The following PALS1 variants were observed in gnomAD, a reference collection of about 807,000 sequenced individuals.
PALS1 encodes protein PALS1.
In PALS1, 31 loss-of-function variants were observed where a neutral mutation model predicts 78.9. The ratio of observed to expected loss-of-function variants is 0.39; its 90% CI spans 0.30 to 0.53. The LOEUF is 0.53. Ranked by LOEUF, PALS1 falls within the 20% of genes least tolerant of loss-of-function variation. The pLI is 0.67. For synonymous variants in PALS1, 276 were observed against 270.9 expected, an observed-to-expected ratio of 1.02 and a Z score of -0.18; for missense variants, 704 against 826.5, an observed-to-expected ratio of 0.85 and a Z score of 1.82.
At chr14:67,243,489 ATTTTTTTTTTT>A (rs55985752) in intron 1 of PALS1, among the ~76,000 whole-genome samples, 1 of 100,292 alleles carries the variant, frequency 1.0e-5, no homozygotes, top group Non-Finnish European at 1.9e-5. Context: ...CCAGAATATA[ATTTTTTTTTTT>A]TTTTTTTTTT....
chr14:67,283,329 A>C lies in PALS1; in HGVS notation c.367+3792A>C, dbSNP rs527345983. On this transcript the variant is annotated intron_variant, in intron 3 of 14. Transcript: ENST00000261681. ...CAAAAGATTATTGACATTTTAAAGT[A>C]AAATAGCTCTTTCAGATTTCATTCT... is the stretch of plus-strand genomic sequence containing the variant. 3.3e-5 allele frequency among the ~76,000 whole-genome samples: 5 copies of C among 152,342 alleles called. No homozygotes were observed. The South Asian group carries it at 6.2e-4, about 19-fold the overall frequency.
Position 67,302,458 on chromosome 14 carries a change from G to A in PALS1, c.850G>A (p.Val284Ile), listed in dbSNP as rs1328903025. The change falls in exon 7 of 15, where the codon GTA becomes ATA. Residue 284 changes from valine (V) to isoleucine (I), a missense_variant. Transcript: ENST00000261681. ...EMDSVIISRI[V>I]KGGAAEKSGL... ...GGACTCTGTCATCATTAGCCGGATA[G>A]TAAAAGGGGGTGCTGCAGAGAAAAG... 6.9e-6 allele frequency: 11 copies of A among 1,600,174 alleles called. No homozygotes were observed. The East Asian group carries it at 2.5e-4, about 36-fold the overall frequency.
chr14:67,289,517 G>A (rs941551760), intron 3 of PALS1, among the ~76,000 whole-genome samples: 61 of 151,964 alleles, frequency 4.0e-4, no homozygotes, highest in African/African-American at 1.4e-3. Flanking sequence ...GATACCGAGG[G>A]ATAACTATAT....
Position 67,301,953 on chromosome 14 carries a change from A to G in PALS1, c.655-19A>G. ...AAATCATGCTGTTACTTAAAATGCC[A>G]TGGATTTCTTTGAAACAGGCACTTT... On this transcript the variant is annotated intron_variant, in intron 5 of 14. Coordinates refer to ENST00000261681, the MANE Select transcript of PALS1 (RefSeq NM_022474.4). 6.3e-7 allele frequency: 1 copy of G among 1,584,588 alleles called. No homozygotes were observed.
chr14:67,253,804 G>GCT (rs970886985), intron 1 of PALS1, among the ~76,000 whole-genome samples: 1 of 151,172 alleles, frequency 6.6e-6, no homozygotes, highest in Admixed American at 6.6e-5. Context: ...TTGTGCTGCT[G>GCT]CTCTTCAGTC....
intron 9 of PALS1, among the ~76,000 whole-genome samples, chr14:67,313,425 C>T (rs2085123243): frequency 6.6e-6 from 1 of 152,112 alleles, no homozygotes; most frequent in South Asian, 2.1e-4. Flanking sequence ...ATAGCCTATT[C>T]CTCCAACCAC....
chr14:67,332,759 G>A (rs760819757), intron 14 of PALS1, 21 bp from the exon 15 acceptor site: 1 of 1,595,180 alleles, frequency 6.3e-7, no homozygotes, highest in African/African-American at 1.3e-5. Context: ...TTATCTCACA[G>A]TTTTTATCTT....
At chr14:67,296,408 G>A (rs368665588) in intron 4 of PALS1, among the ~76,000 whole-genome samples, 2 of 151,878 alleles carry the variant, frequency 1.3e-5, no homozygotes, top group South Asian at 4.2e-4. Context: ...AGACCATCCT[G>A]GCTAACATGG....
chr14:67,331,051 TTTC>T (rs2085441499), intron 14 of PALS1, among the ~76,000 whole-genome samples: 2 of 152,122 alleles, frequency 1.3e-5, no homozygotes, highest in African/African-American at 4.8e-5. Flanking sequence ...GTGATATTTC[TTTC>T]TTTTTTTTGA....
At position 67,316,757 on chromosome 14, in the gene PALS1, CCTT is replaced by C. The variant is rs1181087435; in HGVS notation, c.1226-71_1226-69del. On this transcript the variant is annotated intron_variant, in intron 9 of 14. Coordinates refer to ENST00000261681, the MANE Select transcript of PALS1 (RefSeq NM_022474.4). ...GTGAAGAGATATGTCTAGTGTTTTCCCTTCTTGATTAAAAAAAAAATTCTTATC... is the reference window on the plus strand; with the variant it reads ...GTGAAGAGATATGTCTAGTGTTTTCCCTTGATTAAAAAAAAAATTCTTATC... The C allele has an allele frequency of 5.1e-6, 6 of 1,172,854 alleles. No homozygotes were observed. In the African/African-American group the frequency reaches 8.3e-5, roughly 16 times the overall value. 72.7% of individuals were successfully genotyped at this position (1,172,854 alleles called of 1,614,324 possible).
In PALS1 at chr14:67,323,229, ACACG is replaced by A. The variant is rs1031197760; in HGVS notation, c.1741-472_1741-469del. ...TATATATACATATATACACATATAT[ACACG>A]TGTGTGTGTGTGTGTGTGTGTGTGT... is the stretch of plus-strand genomic sequence containing the variant. On this transcript the variant is annotated intron_variant, in intron 13 of 14. Transcript: ENST00000261681. Among the ~76,000 whole-genome samples, 4 of 70,344 alleles carry A rather than the reference ACACG, an allele frequency of 5.7e-5. No individual in the cohort carries two copies. In the Admixed American group the frequency reaches 6.1e-4, roughly 11 times the overall value. The allele number at this position is 70,344 out of a possible 152,430, so 46.1% of individuals were successfully genotyped here.
chr14:67,316,808 C>T (rs1555339700), intron 9 of PALS1, 24 bp from the exon 10 acceptor site: 3 of 1,588,584 alleles, frequency 1.9e-6, no homozygotes, highest in Non-Finnish European at 2.6e-6. Context: ...ATATTTTACC[C>T]TTCTTTTTCT....
At chr14:67,284,208 T>C (rs2084642551) in intron 3 of PALS1, among the ~76,000 whole-genome samples, 1 of 152,126 alleles carries the variant, frequency 6.6e-6, no homozygotes, top group South Asian at 2.1e-4. Context: ...CACTAATTTC[T>C]TATTTCATTT....
intron 3 of PALS1, among the ~76,000 whole-genome samples, chr14:67,284,931 T>C (rs191673001): frequency 9.5e-4 from 145 of 152,276 alleles, no homozygotes; most frequent in African/African-American, 3.3e-3. Context: ...TTTATTTTTT[T>C]GTAGAGACGG....
chr14:67,262,366 G>A (rs1373304406), intron 1 of PALS1, among the ~76,000 whole-genome samples: 2 of 151,694 alleles, frequency 1.3e-5, no homozygotes, highest in South Asian at 2.1e-4. Flanking sequence ...CCCTATCCCC[G>A]CCTCGAATCC....
At chr14:67,293,704 G>C (rs752908241) in intron 4 of PALS1, among the ~76,000 whole-genome samples, 1 of 152,130 alleles carries the variant, frequency 6.6e-6, no homozygotes, top group Non-Finnish European at 1.5e-5. Context: ...AGGAAAAGAC[G>C]AGTACCAATA....
At chr14:67,307,529 TG>T (rs997578604) in intron 8 of PALS1, among the ~76,000 whole-genome samples, 1 of 152,240 alleles carries the variant, frequency 6.6e-6, no homozygotes, top group African/African-American at 2.4e-5. Flanking sequence ...CAGAGATAAC[TG>T]TGTTGTAAAG....
chr14:67,276,358 A>C (rs1267323377), intron 2 of PALS1, among the ~76,000 whole-genome samples: 1 of 152,078 alleles, frequency 6.6e-6, no homozygotes, highest in Non-Finnish European at 1.5e-5. Context: ...CCTATTGGTC[A>C]TGTGAGCCTG....
intron 9 of PALS1, among the ~76,000 whole-genome samples, chr14:67,316,230 C>A (rs529435452): frequency 2.0e-5 from 3 of 152,060 alleles, no homozygotes; most frequent in Non-Finnish European, 4.4e-5. Context: ...AGGTCAGGAA[C>A]CTTGAAAGCC....
Sources: allele counts gnomAD v4.1 joint callset (sites outside exome capture counted in the v4.1 genomes callset), GRCh38; gene constraint gnomAD v4.1.1; transcripts MANE v1.5; gene names NCBI Gene and HGNC (gene_info 2026-07-23, HGNC 2026-07-21).